The following MID1 variants were observed in gnomAD, a reference collection of about 807,000 sequenced individuals.
MID1 encodes the protein E3 ubiquitin-protein ligase Midline-1.
MID1 carries 7 observed loss-of-function variants against 40.4 expected under a neutral mutation model. The observed-to-expected ratio is 0.17, with a 90% CI of 0.10 to 0.33. The LOEUF (loss-of-function observed/expected upper bound fraction) is 0.33. Ranked by LOEUF, MID1 falls within the 10% of genes least tolerant of loss-of-function variation. The probability of loss-of-function intolerance (pLI) is 1.00; values close to 1 mark genes in which losing one functional copy is unlikely to be tolerated. For synonymous variants in MID1, 229 were observed against 221.2 expected (o/e 1.04, Z -0.31); for missense variants, 367 against 558.5 (o/e 0.66, Z 3.46).
chrX:10,628,846 T>C (rs144776267), intron 1 of MID1, among the ~76,000 whole-genome samples: 251 of 112,482 alleles, frequency 2.2e-3, no homozygotes, highest in African/African-American at 7.6e-3. Flanking sequence ...GTATCTATCA[T>C]GGACCAGTTA....
intron 1 of MID1, among the ~76,000 whole-genome samples, chrX:10,824,729 C>T (rs2044203427): frequency 9.0e-6 from 1 of 111,349 alleles, no homozygotes; most frequent in Admixed American, 9.5e-5. Context: ...ATTACGAAGG[C>T]AGGGAAAGTA....
chrX:10,589,405 C>T (rs770429455), intron 1 of MID1, among the ~76,000 whole-genome samples: 20 of 110,949 alleles, frequency 1.8e-4, no homozygotes, highest in Admixed American at 8.5e-4. Flanking sequence ...GATAAAGGCA[C>T]GCTGTGGGTG....
chrX:10,525,386 C>A (rs940473345), intron 2 of MID1, among the ~76,000 whole-genome samples: 1 of 112,013 alleles, frequency 8.9e-6, no homozygotes, highest in Admixed American at 9.5e-5. Context: ...TATTGAATTT[C>A]TCTCTGTTCC....
Position 10,523,193 on chromosome X carries a change from CAAA to C in MID1, c.661-9_661-7del, listed in dbSNP as rs375668839. On this transcript the variant is annotated splice_region_variant and splice_polypyrimidine_tract_variant and intron_variant, in intron 2 of 9. Coordinates refer to ENST00000317552, the MANE Select transcript of MID1 (RefSeq NM_000381.4). ...AGGTTACTCTCTAAGTTTTGCTGTTCAAAAAAAAAAAAAAAAGAGGAAAAATAT... is the reference window on the plus strand; with the variant it reads ...AGGTTACTCTCTAAGTTTTGCTGTTCAAAAAAAAAAAAAGAGGAAAAATAT... 3.6e-3 allele frequency: 2,775 copies of C among 764,370 alleles called. No homozygotes were observed. The highest frequency in any genetic ancestry group is 4.1e-3 in the Non-Finnish European group (2,350 of 567,817). The allele number at this position is 764,370 out of a possible 1,213,427, so 63.0% of individuals were successfully genotyped here.
chrX:10,491,611 TTATGA>T (rs1470606023), intron 4 of MID1, among the ~76,000 whole-genome samples: 1 of 111,609 alleles, frequency 9.0e-6, no homozygotes, highest in African/African-American at 3.3e-5. Flanking sequence ...TGCTTACTAC[TTATGA>T]TATATTATAG....
chrX:10,508,844 G>T (rs1931974843), intron 3 of MID1, among the ~76,000 whole-genome samples: 1 of 111,662 alleles, frequency 9.0e-6, no homozygotes, highest in African/African-American at 3.3e-5. Context: ...GCCTTTTGGG[G>T]GCCATTTGCA....
chrX:10,595,274 C>T (rs1935390603), intron 1 of MID1, among the ~76,000 whole-genome samples: 1 of 111,579 alleles, frequency 9.0e-6, no homozygotes, highest in Non-Finnish European at 1.9e-5. Flanking sequence ...GCACTCTTCA[C>T]AATAGTCAAG....
chrX:10,804,816 C>T (rs2044032086), intron 1 of MID1, among the ~76,000 whole-genome samples: 5 of 111,572 alleles, frequency 4.5e-5, no homozygotes, highest in Admixed American at 3.8e-4. Context: ...AGATAAGGCT[C>T]TGGTAAATTC....
chrX:10,493,571 CA>C (rs938653935), intron 4 of MID1, among the ~76,000 whole-genome samples: 5 of 111,248 alleles, frequency 4.5e-5, no homozygotes, highest in African/African-American at 1.6e-4. Flanking sequence ...AGTGCTTTTT[CA>C]AAAAAATTAT....
chrX:10,600,997 G>A (rs749096968), intron 1 of MID1, among the ~76,000 whole-genome samples: 1 of 111,615 alleles, frequency 9.0e-6, no homozygotes, highest in East Asian at 2.8e-4. Flanking sequence ...GAGATTCATA[G>A]CTTCCCTAAC....
intron 1 of MID1, among the ~76,000 whole-genome samples, chrX:10,636,810 A>G (rs1936122101): frequency 1.1e-5 from 1 of 90,486 alleles, no homozygotes; most frequent in Non-Finnish European, 2.2e-5. Context: ...ATATATATAT[A>G]TATATATACA....
In MID1 at chrX:10,448,825, A is replaced by T. The variant is rs1047611836; in HGVS notation, c.*543T>A. On this transcript the variant is annotated 3_prime_UTR_variant, in exon 10 of 10. Coordinates refer to ENST00000317552, the MANE Select transcript of MID1 (RefSeq NM_000381.4). ...TCTCCATTTTAGTTGATCTGATACA[A>T]CTTTTTGACATCACAATTAAAACAC... 8.8e-6 allele frequency: 1 copy of T among 113,316 alleles called. No individual in the cohort carries two copies. Among genetic ancestry groups the T allele is most frequent in the African/African-American group, 3.2e-5 (1 of 30,821 alleles). The allele number at this position is 113,316 out of a possible 1,213,427, so 9.3% of individuals were successfully genotyped here. A position where few individuals can be genotyped will look rare whatever the true frequency, so the allele number is the denominator to read the frequency against.
chrX:10,648,602 G>T (rs186354335), intron 1 of MID1, among the ~76,000 whole-genome samples: 9 of 111,843 alleles, frequency 8.0e-5, no homozygotes, highest in Admixed American at 9.5e-5. Flanking sequence ...CATTGAGATC[G>T]TAAGTCCATA....
At chrX:10,830,743 A>G (rs1412975787) in intron 1 of MID1, among the ~76,000 whole-genome samples, 1 of 112,717 alleles carries the variant, frequency 8.9e-6, no homozygotes, top group African/African-American at 3.2e-5. Context: ...CAAATGTTAG[A>G]AAGGATTCCA....
At position 10,478,161 on chromosome X, in the gene MID1, T is replaced by C. The variant is rs188874903; in HGVS notation, c.1014-3411A>G. Among the ~76,000 whole-genome samples the C allele has an allele frequency of 2.7e-5, 3 of 112,439 alleles. No homozygotes were observed. In the Admixed American group the frequency reaches 2.8e-4, roughly 11 times the overall value. On this transcript the variant is annotated intron_variant, in intron 5 of 9. Transcript: ENST00000317552. ...TTACTGCTATAAGGGATTTTAATTC[T>C]AGATTCTTCATAAGCAGACCAACTT...
intron 1 of MID1, among the ~76,000 whole-genome samples, chrX:10,698,746 A>C (rs2043177006): frequency 1.8e-5 from 2 of 110,102 alleles, no homozygotes. Flanking sequence ...AAAAAAAAAA[A>C]ACACCGCAGT....
At chrX:10,533,327 GGAAAGAAAGAAAGAAAGAAAGAAA>G (rs35811442) in intron 2 of MID1, among the ~76,000 whole-genome samples, 88 of 47,806 alleles carry the variant, frequency 1.8e-3, no homozygotes, top group African/African-American at 2.8e-3. Context: ...AAGAAAGAAA[GGAAAGAAAGAAAGAAAGAAAGAAA>G]GAAAGAAAGA....
chrX:10,505,504 G>T (rs1602317596), intron 3 of MID1: 2 of 752,256 alleles, frequency 2.7e-6, no homozygotes, highest in East Asian at 3.0e-4. Context: ...TTTGGGCTGG[G>T]CACACTGAAT....
intron 1 of MID1, among the ~76,000 whole-genome samples, chrX:10,672,858 A>AT (rs1259161886): frequency 3.7e-5 from 4 of 108,823 alleles, no homozygotes; most frequent in Middle Eastern, 4.7e-3. Flanking sequence ...TTAACTTTTT[A>AT]TTTTTTTTGC....
Sources: allele counts gnomAD v4.1 joint callset (sites outside exome capture counted in the v4.1 genomes callset), GRCh38; gene constraint gnomAD v4.1.1; transcripts MANE v1.5; gene names NCBI Gene and HGNC (gene_info 2026-07-23, HGNC 2026-07-21).